The following KCNAB1 variants were observed in gnomAD, a reference collection of about 807,000 sequenced individuals.
The protein encoded by KCNAB1 is voltage-gated potassium channel subunit beta-1.
KCNAB1 carries 35 observed loss-of-function variants against 64.6 expected under a neutral mutation model. The ratio of observed to expected loss-of-function variants is 0.54; its 90% CI spans 0.41 to 0.72. The LOEUF (loss-of-function observed/expected upper bound fraction) is 0.72. Ranked by LOEUF, KCNAB1 falls within the 30% of genes least tolerant of loss-of-function variation. The pLI, the probability that KCNAB1 is intolerant of heterozygous loss-of-function variation, is 0.00. For missense variants in KCNAB1, 401 were observed against 512.9 expected (o/e 0.78, Z 2.11); for synonymous variants, 177 against 183.8 (o/e 0.96, Z 0.30).
chr3:156,426,377 C>A (rs761775339), intron 2 of KCNAB1, among the ~76,000 whole-genome samples: 12 of 152,140 alleles, frequency 7.9e-5, no homozygotes, highest in Non-Finnish European at 1.2e-4. Flanking sequence ...CAAGGAGTTC[C>A]CATACACCCC....
rs1724829476 is a variant in KCNAB1 at position 156,351,094 on chromosome 3, A to T, written c.276-70522A>T. 2.0e-5 allele frequency among the ~76,000 whole-genome samples: 3 copies of T among 152,264 alleles called. No individual in the cohort carries two copies. In the South Asian group the frequency reaches 6.2e-4, roughly 31 times the overall value. ...ATCATCCAGTATGGAAAGGAAATGA[A>T]AACTTGAATGCAACTAGAAAGATAT... On this transcript the variant is annotated intron_variant, in intron 1 of 13. Coordinates refer to ENST00000490337, the MANE Select transcript of KCNAB1 (RefSeq NM_172160.3).
In KCNAB1 at chr3:156,452,053, G is replaced by C. The variant is rs1230544189; in HGVS notation, c.320-846G>C. Among the ~76,000 whole-genome samples, 1 of 152,174 alleles carries C rather than the reference G, an allele frequency of 6.6e-6. No individual in the cohort carries two copies. The highest frequency in any genetic ancestry group is 1.5e-5 in the Non-Finnish European group (1 of 68,042). On this transcript the variant is annotated intron_variant, in intron 2 of 13. Coordinates refer to ENST00000490337, the MANE Select transcript of KCNAB1 (RefSeq NM_172160.3). The surrounding 1 kb of genome is among the most constrained non-coding windows in gnomAD (Gnocchi z 4.6). ...AATCATCTCACTGTCCCTTACACGT[G>C]AGTGCAATGCTTTTATGTGGCATGT...
At chr3:156,185,817 C>G (rs184526316) in intron 1 of KCNAB1, among the ~76,000 whole-genome samples, 31 of 152,036 alleles carry the variant, frequency 2.0e-4, no homozygotes, top group Non-Finnish European at 2.6e-4. Flanking sequence ...GAAGAGTGAT[C>G]TTCTTGTACC....
At chr3:156,289,444 A>G (rs1720272896) in intron 1 of KCNAB1, among the ~76,000 whole-genome samples, 1 of 152,084 alleles carries the variant, frequency 6.6e-6, no homozygotes, top group Non-Finnish European at 1.5e-5. Flanking sequence ...ATTCACATTG[A>G]TCATCTCTGA....
chr3:156,454,894 G>C (rs918162405), intron 3 of KCNAB1, among the ~76,000 whole-genome samples: 10 of 152,260 alleles, frequency 6.6e-5, no homozygotes, highest in South Asian at 2.1e-4. Context: ...AATGAGCCAA[G>C]CTTGCCCGGG....
chr3:156,381,535 ACAGT>A (rs1420255556), intron 1 of KCNAB1, among the ~76,000 whole-genome samples: 1 of 152,216 alleles, frequency 6.6e-6, no homozygotes, highest in African/African-American at 2.4e-5. Flanking sequence ...CCAAGTGAAC[ACAGT>A]CAGCAAGAGC....
intron 2 of KCNAB1, among the ~76,000 whole-genome samples, chr3:156,423,013 G>A (rs1347912296): frequency 1.3e-5 from 2 of 152,200 alleles, no homozygotes; most frequent in African/African-American, 4.8e-5. Flanking sequence ...TGACCATCGG[G>A]TTCAGCAACA....
chr3:156,292,522 C>T (rs1189214542), intron 1 of KCNAB1, among the ~76,000 whole-genome samples: 1 of 152,068 alleles, frequency 6.6e-6, no homozygotes, highest in Non-Finnish European at 1.5e-5. Flanking sequence ...TCATCTAGTA[C>T]TGCTCTCTTA....
intron 1 of KCNAB1, among the ~76,000 whole-genome samples, chr3:156,339,064 T>C (rs1159846177): frequency 3.3e-5 from 5 of 152,114 alleles, no homozygotes; most frequent in Admixed American, 6.6e-5. Flanking sequence ...CAGCTCAGAT[T>C]GACAGGGGAA....
chr3:156,433,530 T>C (rs1466263657), intron 2 of KCNAB1, among the ~76,000 whole-genome samples: 1 of 151,986 alleles, frequency 6.6e-6, no homozygotes, highest in Non-Finnish European at 1.5e-5. Context: ...AGGAGCCAGG[T>C]CAAGGAGAAC....
chr3:156,484,982 AT>A (rs1274707865), intron 8 of KCNAB1, among the ~76,000 whole-genome samples: 1 of 152,172 alleles, frequency 6.6e-6, no homozygotes, highest in Admixed American at 6.5e-5. Context: ...GAATAAAAAT[AT>A]TCTAGCTATT....
chr3:156,452,664 A>G lies in KCNAB1; in HGVS notation c.320-235A>G, dbSNP rs1712095795. 6.6e-6 allele frequency among the ~76,000 whole-genome samples: 1 copy of G among 152,174 alleles called. No homozygotes were observed. The highest frequency in any genetic ancestry group is 2.1e-4 in the South Asian group (1 of 4,820). ...TCCAATAGTATGTACAGTGGCTTTC[A>G]GTAAAGAAACAGCAGCCCTTTCTCC... On this transcript the variant is annotated intron_variant, in intron 2 of 13. Coordinates refer to ENST00000490337, the MANE Select transcript of KCNAB1 (RefSeq NM_172160.3). The surrounding 1 kb of genome is among the most constrained non-coding windows in gnomAD (Gnocchi z 4.6).
chr3:156,305,813 G>A (rs1284932080), intron 1 of KCNAB1, among the ~76,000 whole-genome samples: 1 of 152,210 alleles, frequency 6.6e-6, no homozygotes, highest in Non-Finnish European at 1.5e-5. Context: ...GAGCACACAT[G>A]TCCTCAAGAA....
chr3:156,147,798 G>A (rs1389461116), intron 1 of KCNAB1, among the ~76,000 whole-genome samples: 1 of 152,078 alleles, frequency 6.6e-6, no homozygotes, highest in Admixed American at 6.6e-5. Flanking sequence ...CAGAGATGTT[G>A]AGTGTCTAGC....
chr3:156,281,575 G>T (rs1017795681), intron 1 of KCNAB1, among the ~76,000 whole-genome samples: 1 of 152,170 alleles, frequency 6.6e-6, no homozygotes, highest in Non-Finnish European at 1.5e-5. Context: ...GTAGAATTCG[G>T]CTGTGAGTCC....
chr3:156,144,482 C>T (rs530398949), intron 1 of KCNAB1, among the ~76,000 whole-genome samples: 1 of 152,300 alleles, frequency 6.6e-6, no homozygotes, highest in East Asian at 1.9e-4. Flanking sequence ...AAGAAATGAA[C>T]TCTTCTCAAT....
chr3:156,135,874 G>A (rs2108271220), intron 1 of KCNAB1, among the ~76,000 whole-genome samples: 1 of 152,222 alleles, frequency 6.6e-6, no homozygotes, highest in Non-Finnish European at 1.5e-5. Context: ...TTTCAAAACT[G>A]CTTTCTGAGT....
chr3:156,166,384 A>G (rs1711560073), intron 1 of KCNAB1, among the ~76,000 whole-genome samples: 1 of 152,194 alleles, frequency 6.6e-6, no homozygotes, highest in African/African-American at 2.4e-5. Flanking sequence ...GCATTTGAAA[A>G]CAAACAGTAA....
At chr3:156,316,036 C>G (rs1393351587) in intron 1 of KCNAB1, among the ~76,000 whole-genome samples, 2 of 152,190 alleles carry the variant, frequency 1.3e-5, no homozygotes, top group Non-Finnish European at 2.9e-5. Context: ...AGATCTATAT[C>G]TTAATACAGT....
Sources: gnomAD v4.1 joint callset for allele counts (sites outside exome capture counted in the v4.1 genomes callset) on GRCh38, gnomAD v4.1.1 for gene constraint, Gnocchi (gnomAD v3.1) non-coding constraint, MANE v1.5 for transcripts, NCBI Gene and HGNC (gene_info 2026-07-23, HGNC 2026-07-21) for gene names.